WWP2: variants seen among roughly 807,000 people sequenced by gnomAD.
The protein encoded by WWP2 is WW domain containing E3 ubiquitin protein ligase 2.
WWP2 carries 57 observed loss-of-function variants against 121.0 expected under a neutral mutation model. The observed-to-expected ratio is 0.47, with a 90% CI of 0.38 to 0.59. WWP2 has a LOEUF of 0.59. Among genes scored for constraint, WWP2 ranks in the 20% least tolerant of loss-of-function variants. The pLI is 0.00. For missense variants in WWP2, 962 were observed against 1,158.9 expected, an observed-to-expected ratio of 0.83 and a Z score of 2.47; for synonymous variants, 449 against 441.3, an observed-to-expected ratio of 1.02 and a Z score of -0.22.
chr16:69,913,091 C>A (rs1307560318), intron 9 of WWP2, among the ~76,000 whole-genome samples: 1 of 138,526 alleles, frequency 7.2e-6, no homozygotes, highest in African/African-American at 2.6e-5. Context: ...GTGGCGCAAT[C>A]TCGGCTCACT....
chr16:69,763,239 T>C lies in WWP2; in HGVS notation c.-16+848T>C, dbSNP rs572475600. Among the ~76,000 whole-genome samples, 459 of 152,318 alleles carry C rather than the reference T, an allele frequency of 3.0e-3. 1 individual carries two copies. The highest frequency in any genetic ancestry group is 4.6e-3 in the Non-Finnish European group (311 of 68,018). The stretch of plus-strand genomic sequence containing the variant: ...GACTTTTCTCTTTCTTCCGTTTAAA[T>C]TATTCAGTTTCCCTTAGCTTATCTT... On this transcript the variant is annotated intron_variant, in intron 1 of 23. Transcript: ENST00000359154.
In WWP2 at chr16:69,930,076, C is replaced by T. The variant is rs564111927; in HGVS notation, c.1317-54C>T. On this transcript the variant is annotated intron_variant, in intron 12 of 23. Transcript: ENST00000359154. Reference sequence around the variant, plus strand: ...ACTTTGAGGACCCAGCCTCCAACCACCAAGGTCCAGAAGGTGGGGCCAGCC... The same window carrying T: ...ACTTTGAGGACCCAGCCTCCAACCATCAAGGTCCAGAAGGTGGGGCCAGCC... The T allele has an allele frequency of 2.2e-5, 36 of 1,610,282 alleles. No homozygotes were observed. In the African/African-American group the frequency reaches 4.4e-4, roughly 20 times the overall value.
intron 9 of WWP2, chr16:69,909,402 T>A: frequency 1.0e-6 from 1 of 985,844 alleles, no homozygotes; most frequent in Non-Finnish European, 1.2e-6. Context: ...ACACTTCCCC[T>A]GCCCTGAGTT....
rs191257069 is a variant in WWP2, at chr16:69,779,826, A to G, written c.-15-7170A>G. Among the ~76,000 whole-genome samples the G allele has an allele frequency of 2.2e-3, 336 of 152,318 alleles. 2 individuals carry two copies. The highest frequency in any genetic ancestry group is 5.6e-3 in the South Asian group (27 of 4,830). On this transcript the variant is annotated intron_variant, in intron 1 of 23. Coordinates refer to ENST00000359154, the MANE Select transcript of WWP2 (RefSeq NM_001270454.2). ...AACTAAAAGCCCCAAGGCTCAATTT[A>G]TAATTATTTATAATCTTTCCTGCAT...
At chr16:69,840,295 C>T (rs2291960) in intron 5 of WWP2, 32 bp downstream of exon 5, 213,120 of 1,541,838 alleles carry the variant, frequency 0.14, 16,321 homozygotes, top group East Asian at 0.4. Flanking sequence ...AGGACTGTGC[C>T]GGGACAGGGT....
At chr16:69,919,471 T>C (rs2058526103) in intron 10 of WWP2, among the ~76,000 whole-genome samples, 1 of 151,978 alleles carries the variant, frequency 6.6e-6, no homozygotes, top group Admixed American at 6.6e-5. Flanking sequence ...CTGGCCCACA[T>C]TTAAATTTTC....
intron 7 of WWP2, among the ~76,000 whole-genome samples, chr16:69,879,952 T>C (rs1395326347): frequency 6.6e-6 from 1 of 152,072 alleles, no homozygotes; most frequent in Non-Finnish European, 1.5e-5. Context: ...TTTCGGTTTT[T>C]GCGTCAATAA....
intron 7 of WWP2, among the ~76,000 whole-genome samples, chr16:69,874,807 T>C (rs2057706634): frequency 6.6e-6 from 1 of 152,330 alleles, no homozygotes; most frequent in East Asian, 1.9e-4. Context: ...CGATTCTTCA[T>C]CTTTAATGCG....
chr16:69,814,611 C>T lies in WWP2; in HGVS notation c.340+15316C>T, dbSNP rs1188813680. On this transcript the variant is annotated intron_variant, in intron 4 of 23. Coordinates refer to ENST00000359154, the MANE Select transcript of WWP2 (RefSeq NM_001270454.2). ...TTTCTTCTCTTTCCTCGTGTGTCTA[C>T]CAGATTCAAAAAGAGAAAGAAAAAG... Among the ~76,000 whole-genome samples, 3 of 152,238 alleles carry T rather than the reference C, an allele frequency of 2.0e-5. No individual in the cohort carries two copies. The South Asian group carries it at 6.2e-4, about 32-fold the overall frequency.
chr16:69,845,768 G>A lies in WWP2; in HGVS notation c.575+3648G>A, dbSNP rs146198717. Among the ~76,000 whole-genome samples the A allele has an allele frequency of 5.9e-5, 9 of 152,174 alleles. No homozygotes were observed. In the East Asian group the frequency reaches 1.5e-3, roughly 26 times the overall value. On this transcript the variant is annotated intron_variant, in intron 6 of 23. Coordinates refer to ENST00000359154, the MANE Select transcript of WWP2 (RefSeq NM_001270454.2). ...TCTTCTTCAAGAATAATCAGATGAA[G>A]CCTGGGCGTGGTGGCTCATGCCTGT...
chr16:69,789,131 C>T (rs2055854785), intron 2 of WWP2, among the ~76,000 whole-genome samples: 1 of 152,112 alleles, frequency 6.6e-6, no homozygotes, highest in Non-Finnish European at 1.5e-5. Context: ...TGTCTCGGCT[C>T]ACTGCAATTT....
At chr16:69,879,105 CTT>C (rs1486467521) in intron 7 of WWP2, among the ~76,000 whole-genome samples, 3 of 152,002 alleles carry the variant, frequency 2.0e-5, no homozygotes, top group Non-Finnish European at 4.4e-5. Flanking sequence ...TCTTGTGTCT[CTT>C]TTCATAGTAT....
intron 1 of WWP2, among the ~76,000 whole-genome samples, chr16:69,776,687 G>A (rs1044946041): frequency 6.6e-6 from 1 of 152,142 alleles, no homozygotes; most frequent in African/African-American, 2.4e-5. Flanking sequence ...CATTAGCTGG[G>A]CGTGGTGGTG....
chr16:69,842,889 G>A (rs967476982), intron 6 of WWP2, among the ~76,000 whole-genome samples: 1 of 152,120 alleles, frequency 6.6e-6, no homozygotes, highest in African/African-American at 2.4e-5. Context: ...GGCTGGTCTC[G>A]AACTCCTGGA....
intron 2 of WWP2, among the ~76,000 whole-genome samples, chr16:69,788,968 C>G (rs1328951480): frequency 2.0e-5 from 3 of 152,112 alleles, no homozygotes; most frequent in African/African-American, 7.2e-5. Flanking sequence ...AAAATTGTGT[C>G]TCTTGGGAAT....
chr16:69,930,040 G>A lies in WWP2; in HGVS notation c.1317-90G>A, dbSNP rs978894741. On this transcript the variant is annotated intron_variant, in intron 12 of 23. Transcript: ENST00000359154. ...CAAAGTCCCTCATGGGCTCTGCAGA[G>A]ACAAAGCCACACTTTGAGGACCCAG... 2.5e-6 allele frequency: 4 copies of A among 1,584,084 alleles called. No individual in the cohort carries two copies. In the East Asian group the frequency reaches 9.1e-5, roughly 36 times the overall value.
At chr16:69,814,630 G>T (rs1376437789) in intron 4 of WWP2, among the ~76,000 whole-genome samples, 1 of 152,166 alleles carries the variant, frequency 6.6e-6, no homozygotes, top group Non-Finnish European at 1.5e-5. Context: ...AAAAGAGAAA[G>T]AAAAAGAAAA....
intron 1 of WWP2, among the ~76,000 whole-genome samples, chr16:69,785,752 G>A (rs1048902709): frequency 2.0e-5 from 3 of 150,762 alleles, no homozygotes; most frequent in African/African-American, 2.4e-5. Flanking sequence ...TCAGCCTCCC[G>A]AGTAGCTGGG....
intron 8 of WWP2, among the ~76,000 whole-genome samples, chr16:69,899,834 C>T (rs777600272): frequency 2.0e-5 from 3 of 149,580 alleles, no homozygotes; most frequent in Admixed American, 1.3e-4. Context: ...AATAATCTTA[C>T]AATCGATGGC....
Sources: gnomAD v4.1 joint callset for allele counts (sites outside exome capture counted in the v4.1 genomes callset) on GRCh38, gnomAD v4.1.1 for gene constraint, MANE v1.5 for transcripts, NCBI Gene and HGNC (gene_info 2026-07-23, HGNC 2026-07-21) for gene names.